The following NEUROD4 variants were observed in gnomAD, a reference collection of about 807,000 sequenced individuals.
The protein encoded by NEUROD4 is neuronal differentiation 4.
A neutral mutation model predicts 19.8 loss-of-function variants in NEUROD4; 16 were observed. The ratio of observed to expected loss-of-function variants is 0.81; its 90% CI spans 0.55 to 1.23. The LOEUF (loss-of-function observed/expected upper bound fraction) is 1.23, where lower values mean the gene tolerates loss of function less well. Among genes scored for constraint, NEUROD4 ranks in the 50% most tolerant of loss-of-function variants. The pLI, the probability that NEUROD4 is intolerant of heterozygous loss-of-function variation, is 0.00. For missense variants in NEUROD4, 439 were observed against 398.6 expected, an observed-to-expected ratio of 1.10 and a Z score of -0.86; for synonymous variants, 153 against 147.9, an observed-to-expected ratio of 1.03 and a Z score of -0.25.
intron 1 of NEUROD4, among the ~76,000 whole-genome samples, chr12:55,020,808 T>C (rs1460891189): frequency 2.6e-5 from 4 of 152,068 alleles, no homozygotes; most frequent in East Asian, 1.9e-4. Flanking sequence ...ATCCTCGGGG[T>C]AGATTCTCAC....
chr12:55,023,887 T>C (rs1565595840), intron 1 of NEUROD4, among the ~76,000 whole-genome samples: 1 of 152,194 alleles, frequency 6.6e-6, no homozygotes, highest in South Asian at 2.1e-4. Flanking sequence ...GATGGTCTAT[T>C]CTATCCTCCC....
intron 1 of NEUROD4, among the ~76,000 whole-genome samples, chr12:55,026,014 C>T (rs933285028): frequency 1.3e-5 from 2 of 152,128 alleles, no homozygotes; most frequent in Admixed American, 6.6e-5. Flanking sequence ...ATAATTATTA[C>T]ACACATAGAC....
In NEUROD4 at chr12:55,028,734, A is replaced by G. The variant is rs1952761763; in HGVS notation, c.*1299A>G. The G allele has an allele frequency of 6.0e-6, 1 of 167,112 alleles. No individual in the cohort carries two copies. Among genetic ancestry groups the G allele is most frequent in the African/African-American group, 2.4e-5 (1 of 41,456 alleles). The allele number at this position is 167,112 out of a possible 1,614,324, so 10.4% of individuals were successfully genotyped here. On this transcript the variant is annotated 3_prime_UTR_variant, in exon 2 of 2. Transcript: ENST00000242994. ...TATATTGTAAATAACATTTCAGGTG[A>G]CCAAACTTAAGGATGCAGAAATGAA...
chr12:55,029,939 T>A lies in NEUROD4; in HGVS notation c.*2504T>A, dbSNP rs1195727667. ...ACTTTTTTAGATAAAGTAAAATAAT[T>A]GTTTAAATATTTTGTTTAAAATATG... is the stretch of plus-strand genomic sequence containing the variant. On this transcript the variant is annotated 3_prime_UTR_variant, in exon 2 of 2. Transcript: ENST00000242994. 1 of 167,012 alleles carries A rather than the reference T, an allele frequency of 6.0e-6. No homozygotes were observed. The highest frequency in any genetic ancestry group is 6.5e-5 in the Admixed American group (1 of 15,278). 10.3% of individuals were successfully genotyped at this position (167,012 alleles called of 1,614,324 possible).
At chr12:55,020,741 C>T (rs985534487) in intron 1 of NEUROD4, among the ~76,000 whole-genome samples, 4 of 151,956 alleles carry the variant, frequency 2.6e-5, no homozygotes, top group African/African-American at 9.7e-5. Flanking sequence ...TATGCAAGGA[C>T]GGAGGGGGAG....
intron 1 of NEUROD4, among the ~76,000 whole-genome samples, chr12:55,022,870 CT>C (rs1275987547): frequency 6.6e-6 from 1 of 152,146 alleles, no homozygotes; most frequent in South Asian, 2.1e-4. Flanking sequence ...AAGCCATTGG[CT>C]TTTGTTGATG....
intron 1 of NEUROD4, among the ~76,000 whole-genome samples, chr12:55,022,084 A>G (rs779459933): frequency 6.6e-6 from 1 of 152,178 alleles, no homozygotes. Context: ...TTGTGCTTGC[A>G]TTATCTCCTT....
At chr12:55,022,709 G>C (rs2136238471) in intron 1 of NEUROD4, among the ~76,000 whole-genome samples, 1 of 152,234 alleles carries the variant, frequency 6.6e-6, no homozygotes, top group Non-Finnish European at 1.5e-5. Context: ...TCTTGAATAT[G>C]ATGGAAGAGT....
rs947111742 is a variant in NEUROD4 at position 55,029,897 on chromosome 12, G to T, written c.*2462G>T. ...AGAGCCTGCTCTCCAACATAGGGTG[G>T]TCTCATTCTTCTGGAGACTTTTTTA... On this transcript the variant is annotated 3_prime_UTR_variant, in exon 2 of 2. Transcript: ENST00000242994. The T allele has an allele frequency of 3.0e-5, 5 of 166,994 alleles. No homozygotes were observed. In the South Asian group the frequency reaches 6.2e-4, roughly 21 times the overall value. 10.3% of individuals were successfully genotyped at this position (166,994 alleles called of 1,614,324 possible). A position where few individuals can be genotyped will look rare whatever the true frequency, so the allele number is the denominator to read the frequency against.
intron 1 of NEUROD4, among the ~76,000 whole-genome samples, chr12:55,020,656 C>T (rs11171224): frequency 0.011 from 1,739 of 152,202 alleles, 20 homozygotes; most frequent in Non-Finnish European, 0.017. Context: ...AGTTTAACTG[C>T]TTTTCCAAGG....
At position 55,029,194 on chromosome 12, in the gene NEUROD4, T is replaced by G; in HGVS notation, c.*1759T>G. The G allele has an allele frequency of 1.8e-5, 3 of 166,932 alleles. No individual in the cohort carries two copies. The allele number at this position is 166,932 out of a possible 1,614,324, so 10.3% of individuals were successfully genotyped here. ...TACAGTATAAGTTATTTTTTTTCCA[T>G]TTTGCTCTCAGCACTTACCCTGCTG... On this transcript the variant is annotated 3_prime_UTR_variant, in exon 2 of 2. Coordinates refer to ENST00000242994, the MANE Select transcript of NEUROD4 (RefSeq NM_021191.3).
At chr12:55,025,267 A>C (rs1438832578) in intron 1 of NEUROD4, among the ~76,000 whole-genome samples, 1 of 152,228 alleles carries the variant, frequency 6.6e-6, no homozygotes, top group Non-Finnish European at 1.5e-5. Flanking sequence ...CTGATTAAAC[A>C]GTGTGTTAGT....
rs554040656 is a variant in NEUROD4, at chr12:55,026,643, G to C, written c.204G>C (p.Lys68Asn). The C allele has an allele frequency of 1.2e-6, 2 of 1,613,986 alleles. No homozygotes were observed. Among genetic ancestry groups the C allele is most frequent in the East Asian group, 2.2e-5 (1 of 44,858 alleles). The change falls in exon 2 of 2, where the codon AAG becomes AAC. Residue 68 changes from lysine to asparagine, a missense_variant. Transcript: ENST00000242994. ...AGGAAGAAGATGGGGAGAAACCTAAGAGAAGGGGTCCCAAGAAAAAGAAGA... is the reference window on the plus strand; with the variant it reads ...AGGAAGAAGATGGGGAGAAACCTAACAGAAGGGGTCCCAAGAAAAAGAAGA... ...EEEEEDGEKP[K>N]RRGPKKKKMT... is the part of the protein sequence containing the mutation.
rs1411045177 is a variant in NEUROD4, at chr12:55,026,627, A to G, written c.188A>G (p.Asp63Gly). The G allele has an allele frequency of 5.0e-6, 8 of 1,613,756 alleles. No individual in the cohort carries two copies. The highest frequency in any genetic ancestry group is 1.1e-5 in the South Asian group (1 of 91,080). Residue 63 changes from aspartate (D) to glycine (G), a missense_variant, in exon 2 of 2, where the codon GAT becomes GGT. Coordinates refer to ENST00000242994, the MANE Select transcript of NEUROD4 (RefSeq NM_021191.3). ...GAGGAAGAAGAAGAAGAGGAAGAAG[A>G]TGGGGAGAAACCTAAGAGAAGGGGT... ...SIEEEEEEEE[D>G]GEKPKRRGPK...
chr12:55,025,734 T>C (rs1592453895), intron 1 of NEUROD4, among the ~76,000 whole-genome samples: 1 of 152,282 alleles, frequency 6.6e-6, no homozygotes, highest in Middle Eastern at 3.4e-3. Flanking sequence ...GAGAGTAATG[T>C]TTGATGGTCA....
At chr12:55,023,954 G>A (rs1196309460) in intron 1 of NEUROD4, among the ~76,000 whole-genome samples, 1 of 152,138 alleles carries the variant, frequency 6.6e-6, no homozygotes, top group Non-Finnish European at 1.5e-5. Flanking sequence ...GAGTCCAGAG[G>A]TATAGAGGTA....
Position 55,029,098 on chromosome 12 carries a change from T to A in NEUROD4, c.*1663T>A, listed in dbSNP as rs1445568610. 1 of 167,072 alleles carries A rather than the reference T, an allele frequency of 6.0e-6. No homozygotes were observed. The highest frequency in any genetic ancestry group is 1.5e-5 in the Non-Finnish European group (1 of 68,110). The allele number at this position is 167,072 out of a possible 1,614,324, so 10.3% of individuals were successfully genotyped here. A position where few individuals can be genotyped will look rare whatever the true frequency, so the allele number is the denominator to read the frequency against. On this transcript the variant is annotated 3_prime_UTR_variant, in exon 2 of 2. Coordinates refer to ENST00000242994, the MANE Select transcript of NEUROD4 (RefSeq NM_021191.3). ...ATATTAGTATGTCATTTTCTATAGC[T>A]CAGCTATCCCCTAAAATCTGCCAAC...
At chr12:55,022,941 A>C (rs1331600565) in intron 1 of NEUROD4, among the ~76,000 whole-genome samples, 9 of 152,124 alleles carry the variant, frequency 5.9e-5, no homozygotes, top group Admixed American at 4.6e-4. Flanking sequence ...TGGCCAGAAA[A>C]ATTCATGGTG....
At chr12:55,022,355 T>C (rs1175450109) in intron 1 of NEUROD4, among the ~76,000 whole-genome samples, 1 of 152,188 alleles carries the variant, frequency 6.6e-6, no homozygotes, top group African/African-American at 2.4e-5. Flanking sequence ...GTGATCAGTA[T>C]GTGTGATCAC....
Sources: allele counts gnomAD v4.1 joint callset (sites outside exome capture counted in the v4.1 genomes callset), GRCh38; gene constraint gnomAD v4.1.1; transcripts MANE v1.5; gene names NCBI Gene and HGNC (gene_info 2026-07-23, HGNC 2026-07-21).